HSP90AA1: variants seen among roughly 807,000 people sequenced by gnomAD.
HSP90AA1 encodes the protein heat shock protein HSP 90-alpha.
In HSP90AA1, 18 loss-of-function variants were observed where a neutral mutation model predicts 73.3. The observed-to-expected ratio is 0.25, with a 90% confidence interval of 0.17 to 0.36. The LOEUF (loss-of-function observed/expected upper bound fraction) is 0.36. Among genes scored for constraint, HSP90AA1 ranks in the 10% least tolerant of loss-of-function variants. The pLI is 1.00. For synonymous variants in HSP90AA1, 477 were observed against 296.9 expected (o/e 1.61, Z -6.24); for missense variants, 704 against 874.2 (o/e 0.81, Z 2.45).
chr14:102,131,721 C>T (rs2049908909), intron 1 of HSP90AA1, among the ~76,000 whole-genome samples: 1 of 152,230 alleles, frequency 6.6e-6, no homozygotes, highest in Admixed American at 6.5e-5. Flanking sequence ...ATATTTGAAA[C>T]TGCAAATTAC....
upstream of HSP90AA1, among the ~76,000 whole-genome samples, chr14:102,088,613 C>A (rs1323501504): frequency 1.3e-5 from 2 of 152,228 alleles, no homozygotes; most frequent in Non-Finnish European, 2.9e-5. Context: ...CCTGTGGTAG[C>A]TGTTGCGCAG....
chr14:102,106,240 C>T (rs2049566209), intron 1 of HSP90AA1, among the ~76,000 whole-genome samples: 1 of 152,184 alleles, frequency 6.6e-6, no homozygotes, highest in Non-Finnish European at 1.5e-5. Context: ...TTCTTGACCA[C>T]TAAAAGCATC....
chr14:102,082,057 T>C, intron 10 of HSP90AA1, 54 bp downstream of exon 10: 1 of 1,232,964 alleles, frequency 8.1e-7, no homozygotes, highest in South Asian at 1.2e-5. Flanking sequence ...CACCATTTTC[T>C]TCAATGTCAC....
At chr14:102,117,491 A>T (rs917669136) in intron 1 of HSP90AA1, among the ~76,000 whole-genome samples, 1 of 152,124 alleles carries the variant, frequency 6.6e-6, no homozygotes, top group African/African-American at 2.4e-5. Flanking sequence ...CCTCCACGCT[A>T]GGAGCTAAAC....
chr14:102,136,567 C>CAAAAAAAAA (rs1165638280), intron 1 of HSP90AA1, among the ~76,000 whole-genome samples: 2 of 53,238 alleles, frequency 3.8e-5, no homozygotes, highest in Non-Finnish European at 6.2e-5. Flanking sequence ...AGACTCGTCT[C>CAAAAAAAAA]AAAAAAAAAA....
intron 1 of HSP90AA1, among the ~76,000 whole-genome samples, chr14:102,130,639 G>A (rs1370663921): frequency 1.3e-5 from 2 of 152,162 alleles, no homozygotes; most frequent in East Asian, 3.8e-4. Context: ...ACAGGGTCTT[G>A]CTCTGTTGCT....
chr14:102,085,597 CCCA>C lies in HSP90AA1; in HGVS notation c.529+158_529+160del, dbSNP rs761029392. ...CAAGGTGCCTCGCCCAAAAGAACCG[CCCA>C]CCAAGTCATGCCATTACACTAATTA... On this transcript the variant is annotated intron_variant, in intron 3 of 10. Coordinates refer to ENST00000216281, the MANE Select transcript of HSP90AA1 (RefSeq NM_005348.4). 1.7e-4 allele frequency: 214 copies of C among 1,260,898 alleles called. 3 individuals are homozygous for C. The highest frequency in any genetic ancestry group is 6.4e-4 in the South Asian group (51 of 79,610). 78.1% of individuals were successfully genotyped at this position (1,260,898 alleles called of 1,614,324 possible). A position where few individuals can be genotyped will look rare whatever the true frequency, so the allele number is the denominator to read the frequency against.
intron 2 of HSP90AA1, among the ~76,000 whole-genome samples, chr14:102,097,034 C>A (rs2049434138): frequency 6.6e-6 from 1 of 152,030 alleles, no homozygotes; most frequent in African/African-American, 2.4e-5. Context: ...GTCGCCCAGG[C>A]TGGAGTGCAG....
chr14:102,083,489 C>G, intron 8 of HSP90AA1, 57 bp downstream of exon 8: 2 of 1,550,552 alleles, frequency 1.3e-6, no homozygotes, highest in African/African-American at 1.4e-5. Context: ...AACACACCCA[C>G]AGAGCCTACA....
intron 2 of HSP90AA1, among the ~76,000 whole-genome samples, chr14:102,094,599 A>G (rs1366971241): frequency 1.3e-5 from 2 of 152,196 alleles, no homozygotes; most frequent in Non-Finnish European, 2.9e-5. Context: ...GGTGAAATAT[A>G]GAAGGAATAC....
intron 1 of HSP90AA1, among the ~76,000 whole-genome samples, chr14:102,103,829 C>T (rs2049528278): frequency 6.7e-6 from 1 of 149,870 alleles, no homozygotes; most frequent in African/African-American, 2.5e-5. Context: ...AAAACAAAAA[C>T]CCATCTCTAC....
At chr14:102,131,592 T>C (rs1331893534) in intron 1 of HSP90AA1, among the ~76,000 whole-genome samples, 1 of 152,228 alleles carries the variant, frequency 6.6e-6, no homozygotes, top group Non-Finnish European at 1.5e-5. Context: ...GGGTCTCTGC[T>C]CTAGTTTTTT....
intron 2 of HSP90AA1, 23 bp from the exon 3 acceptor site, chr14:102,086,147 T>A: frequency 6.2e-7 from 1 of 1,614,092 alleles, no homozygotes. Flanking sequence ...AATATTAATT[T>A]AAGCATACAG....
chr14:102,125,147 A>G (rs2049825154), intron 1 of HSP90AA1, among the ~76,000 whole-genome samples: 1 of 151,998 alleles, frequency 6.6e-6, no homozygotes, highest in Non-Finnish European at 1.5e-5. Context: ...ATGTATCACC[A>G]TATCTAGTTA....
rs2049181384 is a variant in HSP90AA1 at position 102,084,731 on chromosome 14, C to G, written c.931G>C (p.Glu311Gln). 1 of 1,614,024 alleles carries G rather than the reference C, an allele frequency of 6.2e-7. No individual in the cohort carries two copies. Among genetic ancestry groups the G allele is most frequent in the Admixed American group, 1.7e-5 (1 of 59,984 alleles). Residue 311 changes from glutamate to glutamine, a missense_variant, in exon 5 of 11, where the codon GAA (glutamate) becomes CAA (glutamine). Glu to Gln is a conservative substitution (Grantham distance 29). Coordinates refer to ENST00000216281, the MANE Select transcript of HSP90AA1 (RefSeq NM_005348.4). ...PDDITNEEYG[E>Q]FYKSLTNDWE... ...TCATTGGTCAAGCTCTTATAGAATT[C>G]TCCGTACTCCTCATTAGTAATATCG...
At chr14:102,083,767 G>T (rs778061312) in intron 7 of HSP90AA1, 26 bp downstream of exon 7, 15 of 1,593,404 alleles carry the variant, frequency 9.4e-6, no homozygotes, top group Non-Finnish European at 1.2e-5. Flanking sequence ...AGGCCAATTG[G>T]AAAACTAATG....
intron 1 of HSP90AA1, among the ~76,000 whole-genome samples, chr14:102,122,099 C>T (rs114411376): frequency 0.011 from 1,708 of 152,084 alleles, 36 homozygotes; most frequent in African/African-American, 0.039. Context: ...AATCTTTGCT[C>T]TATCTGGAGT....
intron 1 of HSP90AA1, among the ~76,000 whole-genome samples, chr14:102,106,098 G>A (rs2049564385): frequency 6.6e-6 from 1 of 151,962 alleles, no homozygotes; most frequent in African/African-American, 2.4e-5. Context: ...CTGTTGAAAC[G>A]GTTCAGGCAA....
At chr14:102,085,662 A>G in intron 3 of HSP90AA1, 96 bp downstream of exon 3, 1 of 1,573,256 alleles carries the variant, frequency 6.4e-7, no homozygotes. Context: ...GGGCAAACAC[A>G]AATTCTGTAA....
Sources: gnomAD v4.1 joint callset for allele counts (sites outside exome capture counted in the v4.1 genomes callset) on GRCh38, gnomAD v4.1.1 for gene constraint, MANE v1.5 for transcripts, NCBI Gene and HGNC (gene_info 2026-07-23, HGNC 2026-07-21) for gene names.